Variants in PLCB4 observed in about 807,000 individuals in gnomAD.
PLCB4 encodes phospholipase C beta 4.
PLCB4 carries 77 observed loss-of-function variants against 178.8 expected under a neutral mutation model. The observed-to-expected ratio is 0.43, with a 90% CI of 0.36 to 0.52. PLCB4 has a LOEUF of 0.52. PLCB4 is among the 20% of genes least tolerant of loss of function. The pLI is 0.00. For synonymous variants in PLCB4, 496 were observed against 490.8 expected, an observed-to-expected ratio of 1.01 and a Z score of -0.14; for missense variants, 1,024 against 1,453.4, an observed-to-expected ratio of 0.70 and a Z score of 4.80.
rs1423526005 is a variant in PLCB4 at position 9,238,410 on chromosome 20, C to CCCCCCGAGGTGT, written c.-16+20967_-16+20968insTGTCCCCCGAGG. ...GTGGAGGAGGAAGTGGAGTTGACCCCCCCCCGAGGGACACCTTATCCATAT... is the reference window on the plus strand; with the variant it reads ...GTGGAGGAGGAAGTGGAGTTGACCCCCCCCCGAGGTGTCCCCCGAGGGACACCTTATCCATAT... On this transcript the variant is annotated intron_variant, in intron 3 of 39. Transcript: ENST00000378473. Among the ~76,000 whole-genome samples, 6 of 152,238 alleles carry CCCCCCGAGGTGT rather than the reference C, an allele frequency of 3.9e-5. No homozygotes were observed. In the East Asian group the frequency reaches 9.7e-4, roughly 24 times the overall value.
At chr20:9,437,328 A>G (rs953583951) in intron 30 of PLCB4, among the ~76,000 whole-genome samples, 176 bp downstream of exon 30, 6 of 152,220 alleles carry the variant, frequency 3.9e-5, no homozygotes, top group Non-Finnish European at 7.3e-5. Context: ...ATAGGTAGTT[A>G]CCTGGACAGG....
At chr20:9,387,191 T>G (rs773366281) in intron 14 of PLCB4, among the ~76,000 whole-genome samples, 1 of 152,084 alleles carries the variant, frequency 6.6e-6, no homozygotes, top group Non-Finnish European at 1.5e-5. Context: ...TTATTGCGTT[T>G]TGTCACAAGT....
At chr20:9,185,420 G>A (rs573442875) in intron 2 of PLCB4, among the ~76,000 whole-genome samples, 7 of 152,046 alleles carry the variant, frequency 4.6e-5, no homozygotes, top group Admixed American at 3.9e-4. Context: ...GGTAAATTCT[G>A]TCTGCTCTAC....
At chr20:9,297,161 C>CAA (rs2094646802) in intron 3 of PLCB4, among the ~76,000 whole-genome samples, 1 of 151,886 alleles carries the variant, frequency 6.6e-6, no homozygotes, top group Non-Finnish European at 1.5e-5. Flanking sequence ...GCCCGCACCC[C>CAA]CCCCCACACC....
chr20:9,141,159 G>T (rs117718161), intron 2 of PLCB4, among the ~76,000 whole-genome samples: 4 of 152,052 alleles, frequency 2.6e-5, no homozygotes, highest in Admixed American at 2.6e-4. Flanking sequence ...CCACCATGGG[G>T]CCCTAAATCT....
chr20:9,342,187 C>G (rs2033286716), intron 7 of PLCB4, among the ~76,000 whole-genome samples: 1 of 152,148 alleles, frequency 6.6e-6, no homozygotes, highest in Non-Finnish European at 1.5e-5. Flanking sequence ...TTCTATTCCT[C>G]TATATGTGTT....
At chr20:9,349,332 G>A (rs987572670) in intron 7 of PLCB4, among the ~76,000 whole-genome samples, 1 of 152,108 alleles carries the variant, frequency 6.6e-6, no homozygotes, top group Non-Finnish European at 1.5e-5. Context: ...CCACTCTAAT[G>A]AGTCTTTTTA....
chr20:9,130,639 G>A (rs1403472456), intron 2 of PLCB4, among the ~76,000 whole-genome samples: 1 of 152,136 alleles, frequency 6.6e-6, no homozygotes, highest in Non-Finnish European at 1.5e-5. Context: ...GTTTGCACAT[G>A]ATAATTTATC....
chr20:9,198,402 G>A (rs1262911949), intron 2 of PLCB4, among the ~76,000 whole-genome samples: 1 of 152,130 alleles, frequency 6.6e-6, no homozygotes, highest in Non-Finnish European at 1.5e-5. Context: ...TCTATTAAAT[G>A]GTATTACAAT....
At chr20:9,129,633 T>A (rs181885092) in intron 2 of PLCB4, among the ~76,000 whole-genome samples, 1 of 152,110 alleles carries the variant, frequency 6.6e-6, no homozygotes, top group Admixed American at 6.5e-5. Context: ...AGAGCAACAG[T>A]GAGATTTCAA....
Position 9,395,579 on chromosome 20 carries a change from A to G in PLCB4, c.1471A>G (p.Asn491Asp). Reference sequence around the variant, plus strand: ...AGCTGGAGAATCTGCCTCCCCAGCAAACATCTTAGAGGACGATAATGAAGA... The same window carrying G: ...AGCTGGAGAATCTGCCTCCCCAGCAGACATCTTAGAGGACGATAATGAAGA... ...MEAGESASPANILEDDNEEEI... is the reference protein window; with the variant it reads ...MEAGESASPADILEDDNEEEI... Residue 491 changes from asparagine to aspartate, a missense_variant, in exon 19 of 40, where the codon AAC (asparagine) becomes GAC (aspartate). By Grantham distance (23) the Asn-to-Asp change is conservative (BLOSUM62 1). Around this residue, in one of 7 missense-constraint regions of PLCB4, gnomAD observed 263 missense variants for 417.4 expected, o/e 0.63. Transcript: ENST00000378473. The G allele has an allele frequency of 1.9e-6, 3 of 1,613,608 alleles. No homozygotes were observed. Among genetic ancestry groups the G allele is most frequent in the Non-Finnish European group, 2.5e-6 (3 of 1,179,584 alleles).
intron 3 of PLCB4, among the ~76,000 whole-genome samples, chr20:9,285,854 A>G (rs2094532059): frequency 6.6e-6 from 1 of 152,024 alleles, no homozygotes; most frequent in Non-Finnish European, 1.5e-5. Context: ...AGGGGTTAGA[A>G]TGCTGTACAG....
intron 3 of PLCB4, among the ~76,000 whole-genome samples, chr20:9,251,007 C>T (rs1381977277): frequency 3.9e-5 from 6 of 152,154 alleles, no homozygotes; most frequent in Non-Finnish European, 7.4e-5. Context: ...TGTTTTTACC[C>T]CAGTGTCTTC....
chr20:9,325,161 C>T (rs1000877413), intron 4 of PLCB4, among the ~76,000 whole-genome samples: 1 of 152,134 alleles, frequency 6.6e-6, no homozygotes, highest in African/African-American at 2.4e-5. Flanking sequence ...GGCGGTGTTT[C>T]CGGTGCAACT....
At chr20:9,191,551 T>A (rs948955110) in intron 2 of PLCB4, among the ~76,000 whole-genome samples, 1 of 152,076 alleles carries the variant, frequency 6.6e-6, no homozygotes, top group Non-Finnish European at 1.5e-5. Context: ...TATTATAGAA[T>A]CATGAACAGA....
chr20:9,114,974 A>G (rs1373178259), intron 2 of PLCB4, among the ~76,000 whole-genome samples: 1 of 152,156 alleles, frequency 6.6e-6, no homozygotes, highest in Non-Finnish European at 1.5e-5. Context: ...CCTGATGACT[A>G]TGAACTTCAC....
intron 3 of PLCB4, among the ~76,000 whole-genome samples, chr20:9,285,104 T>C (rs973733489): frequency 1.3e-5 from 2 of 150,154 alleles, no homozygotes; most frequent in African/African-American, 4.9e-5. Flanking sequence ...CAAGGAACTT[T>C]CTGTGTAAGT....
chr20:9,085,176 A>G (rs1488280850), intron 1 of PLCB4, among the ~76,000 whole-genome samples: 1 of 152,118 alleles, frequency 6.6e-6, no homozygotes, highest in Non-Finnish European at 1.5e-5. Context: ...TAAGTGTGAT[A>G]TATTTTGTTT....
At chr20:9,111,936 A>G (rs6140862) in intron 2 of PLCB4, among the ~76,000 whole-genome samples, 70,774 of 151,982 alleles carry the variant, frequency 0.47, 17,321 homozygotes, top group Middle Eastern at 0.57. Flanking sequence ...CTTAAAGTCC[A>G]CTAGTGGAAG....
Sources: gnomAD v4.1 joint callset for allele counts (sites outside exome capture counted in the v4.1 genomes callset) on GRCh38, gnomAD v4.1.1 for gene constraint, gnomAD v4.1.1 regional missense constraint, MANE v1.5 for transcripts, NCBI Gene and HGNC (gene_info 2026-07-23, HGNC 2026-07-21) for gene names.